Variants in FNBP1L observed in about 807,000 individuals in gnomAD.
FNBP1L encodes the protein formin-binding protein 1-like.
A neutral mutation model predicts 91.2 loss-of-function variants in FNBP1L; 36 were observed. The ratio of observed to expected loss-of-function variants is 0.39; its 90% CI spans 0.30 to 0.52. The LOEUF is 0.52. Ranked by LOEUF, FNBP1L falls within the 20% of genes least tolerant of loss-of-function variation. FNBP1L has a pLI of 0.66. For missense variants in FNBP1L, 571 were observed against 732.1 expected (o/e 0.78, Z 2.54); for synonymous variants, 242 against 237.0 (o/e 1.02, Z -0.19).
chr1:93,521,077 C>G (rs938729760), intron 2 of FNBP1L, among the ~76,000 whole-genome samples: 1 of 151,990 alleles, frequency 6.6e-6, no homozygotes, highest in African/African-American at 2.4e-5. Flanking sequence ...ACCAACCAAC[C>G]AACCAACAAA....
chr1:93,479,933 A>C (rs1284699293), intron 1 of FNBP1L, among the ~76,000 whole-genome samples: 1 of 152,238 alleles, frequency 6.6e-6, no homozygotes, highest in Non-Finnish European at 1.5e-5. Context: ...GATTAAAGTA[A>C]GACAGGCATA....
chr1:93,477,319 A>G (rs1570781650), intron 1 of FNBP1L, among the ~76,000 whole-genome samples: 1 of 152,228 alleles, frequency 6.6e-6, no homozygotes, highest in Non-Finnish European at 1.5e-5. Flanking sequence ...GCTGAGACAC[A>G]TGTATAATAT....
intron 15 of FNBP1L, among the ~76,000 whole-genome samples, chr1:93,550,453 AAG>A (rs1401258052): frequency 1.3e-5 from 2 of 152,152 alleles, no homozygotes; most frequent in Non-Finnish European, 1.5e-5. Context: ...TAGAGAGTGA[AAG>A]AGTTGTGTAT....
intron 2 of FNBP1L, among the ~76,000 whole-genome samples, chr1:93,512,862 A>G (rs895363568): frequency 1.3e-5 from 2 of 152,068 alleles, no homozygotes; most frequent in Non-Finnish European, 2.9e-5. Context: ...AATTAAAAGA[A>G]CTAGAAAAGC....
intron 2 of FNBP1L, among the ~76,000 whole-genome samples, chr1:93,514,565 CAG>C (rs1280597983): frequency 6.6e-6 from 1 of 152,192 alleles, no homozygotes; most frequent in Non-Finnish European, 1.5e-5. Context: ...GGTACCAACA[CAG>C]AGATGTAGAT....
intron 10 of FNBP1L, among the ~76,000 whole-genome samples, chr1:93,539,958 C>A (rs1485762237): frequency 6.6e-6 from 1 of 152,064 alleles, no homozygotes; most frequent in African/African-American, 2.4e-5. Flanking sequence ...TCTCTTAAAA[C>A]ATGTGATTTA....
intron 14 of FNBP1L, 37 bp downstream of exon 14, chr1:93,547,478 A>G (rs1458197975): frequency 6.7e-7 from 1 of 1,503,256 alleles, no homozygotes; most frequent in African/African-American, 1.4e-5. Context: ...TCTTCTCCCC[A>G]GAGTTTTCTC....
chr1:93,455,531 C>G (rs957136720), intron 1 of FNBP1L, among the ~76,000 whole-genome samples: 1 of 152,172 alleles, frequency 6.6e-6, no homozygotes, highest in Non-Finnish European at 1.5e-5. Flanking sequence ...GCATCCATGG[C>G]GAATACCAAT....
At chr1:93,537,886 T>C (rs1671897810) in intron 10 of FNBP1L, among the ~76,000 whole-genome samples, 1 of 152,200 alleles carries the variant, frequency 6.6e-6, no homozygotes, top group Non-Finnish European at 1.5e-5. Context: ...AGAGATGTGG[T>C]CTTGCTCTGT....
chr1:93,515,507 A>G (rs971481931), intron 2 of FNBP1L, among the ~76,000 whole-genome samples: 2 of 152,162 alleles, frequency 1.3e-5, no homozygotes, highest in African/African-American at 4.8e-5. Flanking sequence ...AAAGACTTGG[A>G]ACCAACCCAA....
rs181317956 is a variant in FNBP1L, at chr1:93,448,634, G to A, written c.24+329G>A. Among the ~76,000 whole-genome samples the A allele has an allele frequency of 2.0e-5, 3 of 151,982 alleles. No homozygotes were observed. The East Asian group carries it at 5.9e-4, about 30-fold the overall frequency. ...TCCCTCCTCCACCTTCACTTTTCCC[G>A]ACGCCTGGCTTCGCGCCCGGCGGCT... On this transcript the variant is annotated intron_variant, in intron 1 of 16. Transcript: ENST00000271234.
At position 93,550,964 on chromosome 1, in the gene FNBP1L, C is replaced by G. The variant is rs777901485; in HGVS notation, c.1669C>G (p.Leu557Val). 3 of 1,595,164 alleles carry G rather than the reference C, an allele frequency of 1.9e-6. No individual in the cohort carries two copies. The South Asian group carries it at 3.4e-5, about 18-fold the overall frequency. ...TCATCTAGGACATAATGAAGGTACT[C>G]TAGCAATGAAAGAAGGTGAAGTTCT... The part of the protein sequence containing the change: ...YPFDGHNEGT[L>V]AMKEGEVLYI... The change falls in exon 16 of 17, where the codon CTA (leucine) becomes GTA (valine). Residue 557 changes from leucine to valine, a missense_variant. By Grantham distance (32) the Leu-to-Val change is conservative. Transcript: ENST00000271234.
intron 5 of FNBP1L, among the ~76,000 whole-genome samples, 161 bp from the exon 6 acceptor site, chr1:93,529,491 G>A (rs1217249329): frequency 1.3e-5 from 2 of 152,080 alleles, no homozygotes; most frequent in Non-Finnish European, 2.9e-5. Flanking sequence ...TGCAGGACGT[G>A]CAGGTTTGTT....
At chr1:93,469,124 T>C (rs1669195016) in intron 1 of FNBP1L, among the ~76,000 whole-genome samples, 2 of 152,136 alleles carry the variant, frequency 1.3e-5, no homozygotes, top group African/African-American at 4.8e-5. Context: ...CTAGGGTACA[T>C]GTGCACAACA....
chr1:93,549,516 G>T, intron 15 of FNBP1L, 90 bp downstream of exon 15: 2 of 1,000,784 alleles, frequency 2.0e-6, no homozygotes, highest in Non-Finnish European at 1.4e-6. Flanking sequence ...CCTTATTTAA[G>T]TAATATATGT....
chr1:93,514,863 G>A (rs1475821967), intron 2 of FNBP1L, among the ~76,000 whole-genome samples: 3 of 152,050 alleles, frequency 2.0e-5, no homozygotes, highest in African/African-American at 7.2e-5. Flanking sequence ...CATGGGCAAG[G>A]ACTTCATGTC....
chr1:93,470,330 G>A (rs1343053901), intron 1 of FNBP1L, among the ~76,000 whole-genome samples: 1 of 151,950 alleles, frequency 6.6e-6, no homozygotes, highest in Admixed American at 6.6e-5. Flanking sequence ...GTCTCTTTAT[G>A]TTGCCCAAGC....
chr1:93,448,170 G>T lies in FNBP1L; in HGVS notation c.-112G>T. On this transcript the variant is annotated 5_prime_UTR_variant, in exon 1 of 17. The change creates a new upstream start codon in the 5' untranslated region. Coordinates refer to ENST00000271234, the MANE Select transcript of FNBP1L (RefSeq NM_001164473.3). ...GCCCGGCGGTGGCGGCACCTTTCGA[G>T]GTAGACCCGCTGAGCTGCTAGCCCG... 1 of 1,390,978 alleles carries T rather than the reference G, an allele frequency of 7.2e-7. No homozygotes were observed. The highest frequency in any genetic ancestry group is 9.7e-7 in the Non-Finnish European group (1 of 1,026,276). 86.2% of individuals were successfully genotyped at this position (1,390,978 alleles called of 1,614,324 possible).
intron 1 of FNBP1L, among the ~76,000 whole-genome samples, chr1:93,456,723 G>A (rs1668678046): frequency 6.6e-6 from 1 of 150,950 alleles, no homozygotes; most frequent in African/African-American, 2.4e-5. Flanking sequence ...AGGCTGCAGT[G>A]AGCTGGTATC....
Sources: allele counts gnomAD v4.1 joint callset (sites outside exome capture counted in the v4.1 genomes callset), GRCh38; gene constraint gnomAD v4.1.1; transcripts MANE v1.5; gene names NCBI Gene and HGNC (gene_info 2026-07-23, HGNC 2026-07-21).